CFHR4: variants seen among roughly 807,000 people sequenced by gnomAD.
CFHR4 encodes the protein complement factor H-related protein 4.
CFHR4 carries 64 observed loss-of-function variants against 69.3 expected under a neutral mutation model. That is an observed-to-expected ratio of 0.92 (90% CI 0.76 to 1.14). The LOEUF (loss-of-function observed/expected upper bound fraction) is 1.14, where lower values mean the gene tolerates loss of function less well. Ranked by LOEUF, CFHR4 falls within the 50% of genes most tolerant of loss-of-function variation. The probability of loss-of-function intolerance (pLI) is 0.00; values close to 1 mark genes in which losing one functional copy is unlikely to be tolerated. For missense variants in CFHR4, 636 were observed against 684.9 expected, an observed-to-expected ratio of 0.93 and a Z score of 0.80; for synonymous variants, 244 against 237.0, an observed-to-expected ratio of 1.03 and a Z score of -0.27.
At chr1:196,906,648 A>G (rs1438380050) in intron 3 of CFHR4, among the ~76,000 whole-genome samples, 1 of 151,488 alleles carries the variant, frequency 6.6e-6, no homozygotes, top group African/African-American at 2.4e-5. Flanking sequence ...TAGGGTTTGA[A>G]TAATGAGAAG....
chr1:196,911,210 C>G (rs1658254263), intron 6 of CFHR4, among the ~76,000 whole-genome samples: 1 of 151,492 alleles, frequency 6.6e-6, no homozygotes, highest in Non-Finnish European at 1.5e-5. Context: ...AAATAGAAGC[C>G]TAGCTAGCTT....
rs770523337 is a variant in CFHR4 at position 196,910,383 on chromosome 1, A to G, written c.902A>G (p.Tyr301Cys). 13 of 1,612,154 alleles carry G rather than the reference A, an allele frequency of 8.1e-6. No individual in the cohort carries two copies. The African/African-American group carries it at 8.1e-5, about 10-fold the overall frequency. Reference protein sequence around the residue: ...FPVATGQSYSYYCDQNFVTPS... With the variant: ...FPVATGQSYSCYCDQNFVTPS... ...GTAGCTACAGGACAATCTTACTCCT[A>G]TTACTGTGACCAAAATTTTGTGACT... The change falls in exon 6 of 10, where the codon TAT becomes TGT. Residue 301 changes from tyrosine to cysteine, a missense_variant. By Grantham distance (194) the Tyr-to-Cys change is radical. Transcript: ENST00000608469.
intron 5 of CFHR4, 110 bp from the exon 6 acceptor site, chr1:196,910,170 AG>A (rs1658175552): frequency 2.8e-6 from 2 of 707,036 alleles, no homozygotes; most frequent in South Asian, 3.0e-5. Flanking sequence ...AAAAAAGTAA[AG>A]AAAAAAAAAA....
At chr1:196,902,948 C>T (rs1236924621) in intron 2 of CFHR4, among the ~76,000 whole-genome samples, 1 of 151,426 alleles carries the variant, frequency 6.6e-6, no homozygotes, top group Non-Finnish European at 1.5e-5. Context: ...AGTATTGATG[C>T]AGTCTTATTT....
chr1:196,898,955 G>GTTC lies in CFHR4; in HGVS notation c.59-3463_59-3462insTTC, dbSNP rs1387313344. Among the ~76,000 whole-genome samples the GTTC allele has an allele frequency of 2.0e-5, 3 of 151,564 alleles. 1 individual carries two copies. Among genetic ancestry groups the GTTC allele is most frequent in the African/African-American group, 7.3e-5 (3 of 41,056 alleles). ...TTCAAGACAGAGAGAGTGAGGAGTAGGAGGAAGCCTTCATGTCATTTATCA... is the reference window on the plus strand; with the variant it reads ...TTCAAGACAGAGAGAGTGAGGAGTAGTTCGAGGAAGCCTTCATGTCATTTATCA... On this transcript the variant is annotated intron_variant, in intron 1 of 9. Coordinates refer to ENST00000608469, the MANE Select transcript of CFHR4 (RefSeq NM_001201550.3).
intron 9 of CFHR4, among the ~76,000 whole-genome samples, chr1:196,916,816 G>T (rs560101989): frequency 6.6e-6 from 1 of 151,434 alleles, no homozygotes; most frequent in South Asian, 2.1e-4. Context: ...GAAGATACAA[G>T]ATCAGTTCCA....
chr1:196,906,752 T>C, intron 3 of CFHR4, 109 bp from the exon 4 acceptor site: 1 of 1,169,482 alleles, frequency 8.6e-7, no homozygotes, highest in Non-Finnish European at 1.2e-6. Flanking sequence ...AGTACTCAAT[T>C]TATTAGCACA....
intron 3 of CFHR4, 110 bp downstream of exon 3, chr1:196,905,400 T>A (rs1558243853): frequency 1.4e-6 from 2 of 1,426,122 alleles, no homozygotes; most frequent in Admixed American, 4.4e-5. Flanking sequence ...TAAAGAGATA[T>A]AAATACTTCT....
chr1:196,894,234 G>A (rs1447080291), intron 1 of CFHR4, among the ~76,000 whole-genome samples: 1 of 151,494 alleles, frequency 6.6e-6, no homozygotes. Flanking sequence ...GAAATATGGA[G>A]TTTTAAACCA....
In CFHR4 at chr1:196,907,554, T is replaced by C. The variant is rs567162199; in HGVS notation, c.799+56T>C. 4.1e-6 allele frequency: 6 copies of C among 1,449,866 alleles called. No homozygotes were observed. In the African/African-American group the frequency reaches 7.2e-5, roughly 17 times the overall value. The allele number at this position is 1,449,866 out of a possible 1,614,324, so 89.8% of individuals were successfully genotyped here. A position where few individuals can be genotyped will look rare whatever the true frequency, so the allele number is the denominator to read the frequency against. On this transcript the variant is annotated intron_variant, in intron 5 of 9. Coordinates refer to ENST00000608469, the MANE Select transcript of CFHR4 (RefSeq NM_001201550.3). ...ATTAGAGTAATAACTTTGATCCTTG[T>C]TTATTTATACTAAAATTTTTATGGG...
intron 6 of CFHR4, 25 bp downstream of exon 6, chr1:196,910,503 A>G (rs959359717): frequency 6.4e-7 from 1 of 1,573,522 alleles, no homozygotes; most frequent in Non-Finnish European, 8.7e-7. Flanking sequence ...TTACAACAAT[A>G]TGTGCATAAA....
At chr1:196,890,423 G>A (rs898676034) in intron 1 of CFHR4, among the ~76,000 whole-genome samples, 2 of 151,464 alleles carry the variant, frequency 1.3e-5, no homozygotes, top group South Asian at 4.2e-4. Context: ...AGATAAACTT[G>A]ACAGAAAATT....
intron 4 of CFHR4, 79 bp downstream of exon 4, chr1:196,907,116 G>A (rs1657955297): frequency 2.5e-5 from 31 of 1,234,010 alleles, no homozygotes; most frequent in Non-Finnish European, 3.1e-5. Context: ...ACACATATGT[G>A]TATGAATACA....
intron 1 of CFHR4, among the ~76,000 whole-genome samples, chr1:196,899,500 A>G (rs1352422915): frequency 6.6e-6 from 1 of 151,406 alleles, no homozygotes. Context: ...TCTTGCTGTG[A>G]TGCTTAGGCT....
At chr1:196,888,302 T>C in intron 1 of CFHR4, 94 bp downstream of exon 1, 1 of 1,236,484 alleles carries the variant, frequency 8.1e-7, no homozygotes, top group Non-Finnish European at 1.2e-6. Flanking sequence ...TTTATAAATC[T>C]GATAGGATAT....
intron 2 of CFHR4, among the ~76,000 whole-genome samples, chr1:196,903,352 A>C (rs1657723861): frequency 6.6e-6 from 1 of 151,232 alleles, no homozygotes; most frequent in South Asian, 2.1e-4. Flanking sequence ...GCCAAGCAGC[A>C]ATAGAAATAT....
Position 196,906,871 on chromosome 1 carries a change from T to C in CFHR4, c.450T>C (p.Asp150=), listed in dbSNP as rs759655605. 1.2e-6 allele frequency: 2 copies of C among 1,602,222 alleles called. No individual in the cohort carries two copies. The highest frequency in any genetic ancestry group is 1.4e-5 in the African/African-American group (1 of 73,706). ...TTTATTTTGTTTCAGAATTTTGTGA[T>C]ATGCCTGTTTTTGAGAATTCCAGAG... ...STQPICIKFC[D]MPVFENSRAK... The change falls in exon 4 of 10, where the codon GAT becomes GAC. Residue 150 remains aspartate (D), a synonymous_variant. Transcript: ENST00000608469.
chr1:196,894,889 A>AACAACAACAACAACAAC (rs111627820), intron 1 of CFHR4, among the ~76,000 whole-genome samples: 1 of 148,954 alleles, frequency 6.7e-6, no homozygotes, highest in Non-Finnish European at 1.5e-5. Flanking sequence ...CTGTCTCTAA[A>AACAACAACAACAACAAC]AACAACAACA....
At chr1:196,902,356 C>A in intron 1 of CFHR4, 62 bp from the exon 2 acceptor site, 2 of 1,133,118 alleles carry the variant, frequency 1.8e-6, no homozygotes, top group Non-Finnish European at 2.6e-6. Flanking sequence ...TCAAAAATGT[C>A]ATATATGATT....
Sources: gnomAD v4.1 joint callset for allele counts (sites outside exome capture counted in the v4.1 genomes callset) on GRCh38, gnomAD v4.1.1 for gene constraint, MANE v1.5 for transcripts, NCBI Gene and HGNC (gene_info 2026-07-23, HGNC 2026-07-21) for gene names.